The following SLC8A3 variants were observed in gnomAD, a reference collection of about 807,000 sequenced individuals.
The protein encoded by SLC8A3 is sodium/calcium exchanger 3.
In SLC8A3, 37 loss-of-function variants were observed where a neutral mutation model predicts 65.4. The observed-to-expected ratio is 0.57, with a 90% CI of 0.44 to 0.74. SLC8A3 has a LOEUF of 0.74. SLC8A3 is among the 30% of genes least tolerant of loss of function. The pLI is 0.00. For synonymous variants in SLC8A3, 461 were observed against 444.5 expected, an observed-to-expected ratio of 1.04 and a Z score of -0.47; for missense variants, 1,112 against 1,172.1, an observed-to-expected ratio of 0.95 and a Z score of 0.75.
chr14:70,151,208 C>T (rs112133518), intron 2 of SLC8A3, among the ~76,000 whole-genome samples: 5,369 of 150,794 alleles, frequency 0.036, 321 homozygotes, highest in African/African-American at 0.12. Context: ...GAGCCGAGAT[C>T]GTGCCACTGC....
chr14:70,057,530 T>G (rs1031727592), intron 3 of SLC8A3, among the ~76,000 whole-genome samples: 1 of 152,032 alleles, frequency 6.6e-6, no homozygotes, highest in African/African-American at 2.4e-5. Context: ...ATCCCTAGAG[T>G]AGTGAGAAGG....
chr14:70,109,316 T>TTATATATATATATG lies in SLC8A3; in HGVS notation c.1785-48378_1785-48377insCATATATATATATA, dbSNP rs997383503. The stretch of plus-strand genomic sequence containing the variant: ...ATATATATATGTATATATATACACA[T>TTATATATATATATG]TATATATATACACACACACATATAT... On this transcript the variant is annotated intron_variant, in intron 2 of 6. Coordinates refer to ENST00000356921, the MANE Select transcript of SLC8A3 (RefSeq NM_182932.3). 1.2e-3 allele frequency among the ~76,000 whole-genome samples: 178 copies of TTATATATATATATG among 148,410 alleles called. 1 individual carries two copies. Among genetic ancestry groups the TTATATATATATATG allele is most frequent in the East Asian group, 3.5e-3 (18 of 5,114 alleles).
At chr14:70,096,465 T>G (rs920691110) in intron 2 of SLC8A3, among the ~76,000 whole-genome samples, 1 of 152,198 alleles carries the variant, frequency 6.6e-6, no homozygotes, top group Non-Finnish European at 1.5e-5. Context: ...AGATTTCAGC[T>G]GATCTATCTC....
At chr14:70,129,822 A>C (rs1297197968) in intron 2 of SLC8A3, among the ~76,000 whole-genome samples, 1 of 152,244 alleles carries the variant, frequency 6.6e-6, no homozygotes, top group Non-Finnish European at 1.5e-5. Flanking sequence ...TTTCTGTGAA[A>C]CTAAACAGTA....
intron 1 of SLC8A3, chr14:70,187,327 C>CG (rs888783152): frequency 5.0e-5 from 6 of 119,668 alleles, no homozygotes; most frequent in South Asian, 2.9e-4. Context: ...AAGCGGGGGG[C>CG]GGGGGGAGAG....
chr14:70,071,293 G>A (rs1223955755), intron 2 of SLC8A3, among the ~76,000 whole-genome samples: 1 of 152,192 alleles, frequency 6.6e-6, no homozygotes, highest in African/African-American at 2.4e-5. Context: ...CTCCTGAAAT[G>A]TTATACGGTA....
chr14:70,128,130 A>G (rs1894599367), intron 2 of SLC8A3, among the ~76,000 whole-genome samples: 1 of 152,150 alleles, frequency 6.6e-6, no homozygotes, highest in African/African-American at 2.4e-5. Flanking sequence ...GTTATGATGG[A>G]TTGAAATTGG....
At position 70,167,086 on chromosome 14, in the gene SLC8A3, T is replaced by A. The variant is rs1449325168; in HGVS notation, c.1337A>T (p.Tyr446Phe). The A allele has an allele frequency of 6.2e-7, 1 of 1,614,102 alleles. No homozygotes were observed. The highest frequency in any genetic ancestry group is 1.7e-5 in the Admixed American group (1 of 60,028). The change falls in exon 2 of 7, where the codon TAT becomes TTT. Residue 446 changes from tyrosine to phenylalanine, a missense_variant. Physicochemically the swap from Tyr to Phe is conservative, Grantham distance 22. Transcript: ENST00000356921. Reference protein sequence around the residue: ...EDGSANAGADYEFTEGTVVLK... With the variant: ...EDGSANAGADFEFTEGTVVLK... ...AACCACCGTGCCCTCTGTGAACTCATAGTCAGCCCCTGCATTGGCAGAACC... is the reference window on the plus strand; with the variant it reads ...AACCACCGTGCCCTCTGTGAACTCAAAGTCAGCCCCTGCATTGGCAGAACC...
At chr14:70,157,403 G>T (rs1474635892) in intron 2 of SLC8A3, among the ~76,000 whole-genome samples, 1 of 152,088 alleles carries the variant, frequency 6.6e-6, no homozygotes, top group East Asian at 1.9e-4. Flanking sequence ...TGGGAGAAGG[G>T]GGCACTTGAC....
At chr14:70,154,358 T>G (rs1896449854) in intron 2 of SLC8A3, among the ~76,000 whole-genome samples, 1 of 152,224 alleles carries the variant, frequency 6.6e-6, no homozygotes, top group African/African-American at 2.4e-5. Flanking sequence ...AAGTGTAAAG[T>G]AAAAGATTAA....
At chr14:70,141,950 G>A (rs1330216960) in intron 2 of SLC8A3, among the ~76,000 whole-genome samples, 2 of 152,168 alleles carry the variant, frequency 1.3e-5, no homozygotes, top group African/African-American at 4.8e-5. Flanking sequence ...CCTAGGGTCT[G>A]TAGGTCCACC....
intron 2 of SLC8A3, among the ~76,000 whole-genome samples, chr14:70,113,823 G>A (rs565528732): frequency 1.3e-5 from 2 of 152,264 alleles, no homozygotes; most frequent in East Asian, 1.9e-4. Context: ...TATTTCATTA[G>A]GTCACATGCT....
Position 70,100,378 on chromosome 14 carries a change from A to T in SLC8A3, c.1785-39439T>A, listed in dbSNP as rs143670980. Among the ~76,000 whole-genome samples, 652 of 152,342 alleles carry T rather than the reference A, an allele frequency of 4.3e-3. 2 individuals are homozygous for T. The highest frequency in any genetic ancestry group is 0.017 in the Middle Eastern group (5 of 294). On this transcript the variant is annotated intron_variant, in intron 2 of 6. Transcript: ENST00000356921. Reference sequence around the variant, plus strand: ...GAGCTCAGCACATTCACTTCTACTTAGGGACAACAGCACACAAATGACTGC... The same window carrying T: ...GAGCTCAGCACATTCACTTCTACTTTGGGACAACAGCACACAAATGACTGC...
chr14:70,141,775 C>T (rs1181638907), intron 2 of SLC8A3, among the ~76,000 whole-genome samples: 3 of 152,214 alleles, frequency 2.0e-5, no homozygotes, highest in African/African-American at 7.2e-5. Flanking sequence ...ATACTGGAAG[C>T]TAAATGCTAT....
At chr14:70,089,071 T>C (rs1038947327) in intron 2 of SLC8A3, among the ~76,000 whole-genome samples, 1 of 152,214 alleles carries the variant, frequency 6.6e-6, no homozygotes, top group Non-Finnish European at 1.5e-5. Flanking sequence ...CAAACCTCAG[T>C]ATGCTCTTCC....
rs75176158 is a variant in SLC8A3, at chr14:70,054,908, G to T, written c.1889-2794C>A. Among the ~76,000 whole-genome samples, 858 of 152,142 alleles carry T rather than the reference G, an allele frequency of 5.6e-3. 10 individuals are homozygous for T. Among genetic ancestry groups the T allele is most frequent in the African/African-American group, 0.02 (812 of 41,512 alleles). ...AAGTGGCCTTAACATTTTTTTCTGTGTTCAAAGGACTGATGAAATGTAAGA... is the reference window on the plus strand; with the variant it reads ...AAGTGGCCTTAACATTTTTTTCTGTTTTCAAAGGACTGATGAAATGTAAGA... On this transcript the variant is annotated intron_variant, in intron 3 of 6. Transcript: ENST00000356921.
intron 2 of SLC8A3, among the ~76,000 whole-genome samples, chr14:70,071,715 A>T (rs1209824631): frequency 1.3e-5 from 2 of 152,228 alleles, no homozygotes; most frequent in East Asian, 3.8e-4. Flanking sequence ...GACTTCTGAG[A>T]TACAGAACTT....
At position 70,168,106 on chromosome 14, in the gene SLC8A3, G is replaced by A. The variant is rs1476712465; in HGVS notation, c.317C>T (p.Thr106Ile). The A allele has an allele frequency of 6.2e-6, 10 of 1,614,024 alleles. No individual in the cohort carries two copies. The highest frequency in any genetic ancestry group is 5.3e-5 in the African/African-American group (4 of 74,904). Residue 106 changes from threonine to isoleucine, a missense_variant, in exon 2 of 7, where the codon ACC becomes ATC. By Grantham distance (89) the Thr-to-Ile change is moderately conservative. Coordinates refer to ENST00000356921, the MANE Select transcript of SLC8A3 (RefSeq NM_182932.3). The part of the protein sequence containing the change: ...DRFMASIEVI[T>I]SQEREVTIKK... ...AATTGTCACCTCCCTCTCTTGAGAG[G>A]TGATGACTTCAATAGATGCCATGAA...
intron 2 of SLC8A3, among the ~76,000 whole-genome samples, chr14:70,119,131 T>A (rs149114954): frequency 3.3e-4 from 50 of 152,234 alleles, no homozygotes; most frequent in Non-Finnish European, 3.1e-4. Context: ...GAATGGTGTG[T>A]TTCCATGTGA....
Sources: allele counts gnomAD v4.1 joint callset (sites outside exome capture counted in the v4.1 genomes callset), GRCh38; gene constraint gnomAD v4.1.1; transcripts MANE v1.5; gene names NCBI Gene and HGNC (gene_info 2026-07-23, HGNC 2026-07-21).